Variants in ATP10D observed in about 807,000 individuals in gnomAD.
The protein encoded by ATP10D is ATPase phospholipid transporting 10D (putative).
Under a neutral mutation model 144.8 loss-of-function variants are expected in ATP10D, and 89 were observed. That is an observed-to-expected ratio of 0.61 (90% CI 0.52 to 0.73). The LOEUF is 0.73. Among genes scored for constraint, ATP10D ranks in the 30% least tolerant of loss-of-function variants. ATP10D has a pLI of 0.00. For synonymous variants in ATP10D, 571 were observed against 615.1 expected, an observed-to-expected ratio of 0.93 and a Z score of 1.06; for missense variants, 1,603 against 1,714.8, an observed-to-expected ratio of 0.93 and a Z score of 1.15.
At chr4:47,522,258 C>T (rs757004248) in intron 3 of ATP10D, among the ~76,000 whole-genome samples, 14 of 152,166 alleles carry the variant, frequency 9.2e-5, no homozygotes, top group Non-Finnish European at 1.6e-4. Flanking sequence ...GAAAATGTAT[C>T]GTGGAGCATA....
chr4:47,555,032 A>T, intron 11 of ATP10D, 118 bp downstream of exon 11: 1 of 897,894 alleles, frequency 1.1e-6, no homozygotes, highest in Non-Finnish European at 1.7e-6. Context: ...TAGCTGTATA[A>T]CACTGATTCA....
At position 47,554,710 on chromosome 4, in the gene ATP10D, C is replaced by T; in HGVS notation, c.1636-16C>T. ...TATACTTCTTATAACAACACACTGT[C>T]TTATTGGATCTTCAGGAAACAGACG... On this transcript the variant is annotated splice_polypyrimidine_tract_variant and intron_variant, in intron 10 of 22. Coordinates refer to ENST00000273859, the MANE Select transcript of ATP10D (RefSeq NM_020453.4). 6.3e-7 allele frequency: 1 copy of T among 1,594,158 alleles called. No homozygotes were observed. Among genetic ancestry groups the T allele is most frequent in the Non-Finnish European group, 8.6e-7 (1 of 1,168,808 alleles).
intron 20 of ATP10D, among the ~76,000 whole-genome samples, chr4:47,581,077 G>A (rs1195349917): frequency 2.0e-5 from 3 of 152,000 alleles, no homozygotes; most frequent in Non-Finnish European, 4.4e-5. Flanking sequence ...AAATCAGAGA[G>A]GCAATGCCAG....
intron 16 of ATP10D, among the ~76,000 whole-genome samples, chr4:47,571,939 G>T (rs534468849): frequency 3.5e-4 from 54 of 152,278 alleles, no homozygotes; most frequent in African/African-American, 1.1e-3. Context: ...GTGCCATAGC[G>T]TGAAGGAGTT....
intron 13 of ATP10D, among the ~76,000 whole-genome samples, chr4:47,560,549 G>T (rs1719244087): frequency 6.6e-6 from 1 of 152,168 alleles, no homozygotes; most frequent in African/African-American, 2.4e-5. Flanking sequence ...GAAAGGTGCT[G>T]CTGGTTACAG....
rs774955826 is a variant in ATP10D, at chr4:47,593,283, C to G, written c.*1902C>G. On this transcript the variant is annotated 3_prime_UTR_variant, in exon 23 of 23. Coordinates refer to ENST00000273859, the MANE Select transcript of ATP10D (RefSeq NM_020453.4). ...ATCCACAATTCCAAAATCTCCAAAC[C>G]TCTGAAAACTGAAATATTTTTCATA... 1 of 152,042 alleles carries G rather than the reference C, an allele frequency of 6.6e-6. No homozygotes were observed. The highest frequency in any genetic ancestry group is 1.5e-5 in the Non-Finnish European group (1 of 67,964). The allele number at this position is 152,042 out of a possible 1,614,324, so 9.4% of individuals were successfully genotyped here.
rs990505011 is a variant in ATP10D, at chr4:47,557,959, G to A, written c.2120G>A (p.Gly707Asp). The A allele has an allele frequency of 5.6e-6, 9 of 1,614,032 alleles. No individual in the cohort carries two copies. The African/African-American group carries it at 1.1e-4, about 19-fold the overall frequency. The change falls in exon 12 of 23, where the codon GGC becomes GAC. Residue 707 changes from glycine (G) to aspartate (D), a missense_variant. Coordinates refer to ENST00000273859, the MANE Select transcript of ATP10D (RefSeq NM_020453.4). ...CACGGTGATGCAGGCCTCCTGAATG[G>A]CAAGGCAGAGTCCCTCCCTGGACAG... ...KQHGDAGLLN[G>D]KAESLPGQPL...
chr4:47,588,809 A>G (rs1450066762), intron 22 of ATP10D, among the ~76,000 whole-genome samples: 4 of 152,222 alleles, frequency 2.6e-5, no homozygotes, highest in African/African-American at 9.6e-5. Context: ...TTTCTGAAAA[A>G]ACAATTACTT....
chr4:47,521,422 G>A (rs1036806505), intron 3 of ATP10D, among the ~76,000 whole-genome samples: 1 of 152,098 alleles, frequency 6.6e-6, no homozygotes, highest in African/African-American at 2.4e-5. Context: ...TACCTAATAT[G>A]TCTTGATTTC....
chr4:47,536,958 GA>G lies in ATP10D; in HGVS notation c.1396+24del. The G allele has an allele frequency of 1.3e-6, 2 of 1,588,632 alleles. No individual in the cohort carries two copies. The highest frequency in any genetic ancestry group is 1.7e-6 in the Non-Finnish European group (2 of 1,168,950). ...AAAATGGTGAGTGTTGGATTTCCGT[GA>G]AAACCAACCTTAGCATTGGTCTTTT... On this transcript the variant is annotated intron_variant, in intron 9 of 22. Coordinates refer to ENST00000273859, the MANE Select transcript of ATP10D (RefSeq NM_020453.4).
intron 1 of ATP10D, chr4:47,490,998 A>G: frequency 2.9e-6 from 2 of 690,150 alleles, no homozygotes; most frequent in South Asian, 1.4e-5. Flanking sequence ...CCATGTGTTC[A>G]TAGGGAAGAG....
chr4:47,545,952 C>T (rs911567241), intron 9 of ATP10D, among the ~76,000 whole-genome samples: 1 of 152,086 alleles, frequency 6.6e-6, no homozygotes, highest in Non-Finnish European at 1.5e-5. Context: ...GGTGCTTCTG[C>T]AGCTCTCCAG....
chr4:47,580,373 TC>T, intron 19 of ATP10D, 24 bp from the exon 20 acceptor site: 2 of 1,571,456 alleles, frequency 1.3e-6, no homozygotes, highest in South Asian at 1.1e-5. Context: ...TCTTACTACC[TC>T]CCCGTTATCT....
At position 47,569,203 on chromosome 4, in the gene ATP10D, C is replaced by T. The variant is rs1222410425; in HGVS notation, c.3163+57C>T. 1.0e-5 allele frequency: 16 copies of T among 1,544,680 alleles called. No individual in the cohort carries two copies. In the South Asian group the frequency reaches 1.1e-4, roughly 10 times the overall value. On this transcript the variant is annotated intron_variant, in intron 16 of 22. Transcript: ENST00000273859. The stretch of plus-strand genomic sequence containing the variant: ...CTCCCTTTCACACCACACCAGACAC[C>T]GATCCTTCTGTCTCTTTCTTCTCCC...
chr4:47,514,353 A>G (rs992991565), intron 2 of ATP10D, among the ~76,000 whole-genome samples: 2 of 152,216 alleles, frequency 1.3e-5, no homozygotes, highest in East Asian at 1.9e-4. Context: ...ACAGAGTTCA[A>G]GGTTAGAGCT....
At chr4:47,572,270 C>T (rs752925800) in intron 17 of ATP10D, 40 bp downstream of exon 17, 26 of 1,558,548 alleles carry the variant, frequency 1.7e-5, no homozygotes, top group Non-Finnish European at 2.2e-5. Flanking sequence ...TGGCCTTGAC[C>T]TGCCCATCCA....
At position 47,563,621 on chromosome 4, in the gene ATP10D, T is replaced by C. The variant is rs2109454328; in HGVS notation, c.2709T>C (p.Pro903=). ...GIEDRLQEGV[P]ESIEALHKAG... Reference sequence around the variant, plus strand: ...AAGACCGTCTGCAGGAGGGAGTCCCTGAATCTATAGAAGCTCTTCACAAAG... The same window carrying C: ...AAGACCGTCTGCAGGAGGGAGTCCCCGAATCTATAGAAGCTCTTCACAAAG... The change falls in exon 15 of 23, where the codon CCT becomes CCC. Residue 903 remains proline, a synonymous_variant. Transcript: ENST00000273859. The C allele has an allele frequency of 6.2e-7, 1 of 1,613,370 alleles. No homozygotes were observed. The highest frequency in any genetic ancestry group is 2.2e-5 in the East Asian group (1 of 44,842).
At chr4:47,585,351 T>G (rs1408789217) in intron 21 of ATP10D, among the ~76,000 whole-genome samples, 1 of 152,154 alleles carries the variant, frequency 6.6e-6, no homozygotes, top group East Asian at 1.9e-4. Context: ...TCTTTTTTTA[T>G]TTCTAAAATT....
chr4:47,553,540 G>C (rs778055315), intron 10 of ATP10D, among the ~76,000 whole-genome samples: 1 of 152,178 alleles, frequency 6.6e-6, no homozygotes, highest in Non-Finnish European at 1.5e-5. Flanking sequence ...AAATGACTTA[G>C]GTTCCTGTTC....
Sources: gnomAD v4.1 joint callset for allele counts (sites outside exome capture counted in the v4.1 genomes callset) on GRCh38, gnomAD v4.1.1 for gene constraint, MANE v1.5 for transcripts, NCBI Gene and HGNC (gene_info 2026-07-23, HGNC 2026-07-21) for gene names.